The following DYNC1H1 variants were observed in gnomAD, a reference collection of about 807,000 sequenced individuals.
DYNC1H1 encodes the protein cytoplasmic dynein 1 heavy chain 1.
Under a neutral mutation model 527.1 loss-of-function variants are expected in DYNC1H1, and 51 were observed. That is an observed-to-expected ratio of 0.10 (90% CI 0.08 to 0.12). The LOEUF (loss-of-function observed/expected upper bound fraction) is 0.12. DYNC1H1 is among the 10% of genes least tolerant of loss of function. The pLI is 1.00. For missense variants in DYNC1H1, 2,771 were observed against 5,971.8 expected (o/e 0.46, Z 17.66); for synonymous variants, 2,189 against 2,278.8 (o/e 0.96, Z 1.12).
chr14:102,040,299 T>C lies in DYNC1H1; in HGVS notation c.11754T>C (p.Ala3918=). 1.2e-6 allele frequency: 2 copies of C among 1,614,220 alleles called. No homozygotes were observed. Among genetic ancestry groups the C allele is most frequent in the Non-Finnish European group, 1.7e-6 (2 of 1,180,048 alleles). ...GAGGAAATGAGATTGTCCTGAGTGC[T>C]GGCTCCACCCCCAGGATCCAGGGCC... ...FLRGNEIVLS[A]GSTPRIQGLT... is the part of the protein sequence containing the mutation. Residue 3918 remains alanine, a synonymous_variant, in exon 63 of 78, where the codon GCT becomes GCC. Coordinates refer to ENST00000360184, the MANE Select transcript of DYNC1H1 (RefSeq NM_001376.5).
At chr14:102,007,660 A>T (rs927028423) in intron 28 of DYNC1H1, among the ~76,000 whole-genome samples, 1 of 152,168 alleles carries the variant, frequency 6.6e-6, no homozygotes, top group African/African-American at 2.4e-5. Flanking sequence ...GGAGATGTGC[A>T]TTTCAAAAAG....
chr14:102,049,819 C>T lies in DYNC1H1; in HGVS notation c.13621C>T (p.Leu4541=), dbSNP rs1348418910. 6.2e-7 allele frequency: 1 copy of T among 1,613,818 alleles called. No homozygotes were observed. Among genetic ancestry groups the T allele is most frequent in the Non-Finnish European group, 8.5e-7 (1 of 1,180,044 alleles). Residue 4541 remains leucine (L), a synonymous_variant, in exon 76 of 78, where the codon CTG becomes TTG. Coordinates refer to ENST00000360184, the MANE Select transcript of DYNC1H1 (RefSeq NM_001376.5). The surrounding 1 kb of genome is among the most constrained non-coding windows in gnomAD (Gnocchi z 5.5). The part of the protein sequence containing the change: ...ANSWSLEELC[L]EVNVTTSQGA... The stretch of plus-strand genomic sequence containing the variant: ...CAGCTGGTCCCTGGAGGAGCTCTGC[C>T]TGGAAGTCAACGTCACCACCTCACA...
At chr14:102,022,686 G>A in intron 42 of DYNC1H1, 65 bp from the exon 43 acceptor site, 1 of 1,611,558 alleles carries the variant, frequency 6.2e-7, no homozygotes, top group Non-Finnish European at 8.5e-7. Context: ...CACAAACATG[G>A]TGAACATGGT....
At chr14:102,025,526 C>T (rs2048438881) in intron 43 of DYNC1H1, among the ~76,000 whole-genome samples, 1 of 144,988 alleles carries the variant, frequency 6.9e-6, no homozygotes, top group African/African-American at 2.6e-5. Context: ...CAGGCCACTG[C>T]ACTCTAGCCT....
chr14:102,028,156 G>A lies in DYNC1H1; in HGVS notation c.9468+15G>A. 1 of 1,613,546 alleles carries A rather than the reference G, an allele frequency of 6.2e-7. No homozygotes were observed. The highest frequency in any genetic ancestry group is 8.5e-7 in the Non-Finnish European group (1 of 1,179,606). The stretch of plus-strand genomic sequence containing the variant: ...CTCTTCACCAGGTGGGTTCAGTTTT[G>A]AGATCAACAGATAAACCACAAAACT... On this transcript the variant is annotated intron_variant, in intron 48 of 77. Transcript: ENST00000360184.
intron 10 of DYNC1H1, among the ~76,000 whole-genome samples, chr14:101,989,058 G>C (rs370373802): frequency 3.9e-5 from 6 of 152,142 alleles, no homozygotes; most frequent in Admixed American, 1.3e-4. Flanking sequence ...TCACCTCTGC[G>C]CTCTTTCTCC....
rs370613560 is a variant in DYNC1H1 at position 102,011,852 on chromosome 14, T to G, written c.6619-23T>G. The G allele has an allele frequency of 3.8e-5, 62 of 1,613,014 alleles. No individual in the cohort carries two copies. The highest frequency in any genetic ancestry group is 5.2e-5 in the Non-Finnish European group (61 of 1,179,262). Reference sequence around the variant, plus strand: ...CATTCCTCCTCTGGGATGGTCACTGTGCTGGTCTGTTGGGCCCTGCAGGTT... The same window carrying G: ...CATTCCTCCTCTGGGATGGTCACTGGGCTGGTCTGTTGGGCCCTGCAGGTT... On this transcript the variant is annotated intron_variant, in intron 32 of 77. Coordinates refer to ENST00000360184, the MANE Select transcript of DYNC1H1 (RefSeq NM_001376.5). The surrounding 1 kb of genome is among the most constrained non-coding windows in gnomAD (Gnocchi z 5.3).
chr14:102,019,218 G>A (rs554750369), intron 41 of DYNC1H1, among the ~76,000 whole-genome samples: 41 of 152,334 alleles, frequency 2.7e-4, no homozygotes, highest in African/African-American at 8.9e-4. Context: ...GCCTCCACCA[G>A]CAGCACCCGC....
rs771949644 is a variant in DYNC1H1, at chr14:102,017,538, C to T, written c.8177+34C>T. On this transcript the variant is annotated intron_variant, in intron 40 of 77. Coordinates refer to ENST00000360184, the MANE Select transcript of DYNC1H1 (RefSeq NM_001376.5). This position sits in a 1 kb window ranked among gnomAD's most constrained non-coding sequence, Gnocchi z 4.6. ...GCTCGGTAGACTGCTCTGCTTCACA[C>T]ACGCACAGCTCCAGGATTGCTGTAA... is the stretch of plus-strand genomic sequence containing the variant. 2.5e-6 allele frequency: 4 copies of T among 1,609,718 alleles called. No homozygotes were observed. The highest frequency in any genetic ancestry group is 3.4e-6 in the Non-Finnish European group (4 of 1,179,218).
rs1434845724 is a variant in DYNC1H1, at chr14:102,027,762, C to T, written c.9192C>T (p.Val3064=). The change falls in exon 47 of 78, where the codon GTC becomes GTT. Residue 3064 remains valine (V), a synonymous_variant. Coordinates refer to ENST00000360184, the MANE Select transcript of DYNC1H1 (RefSeq NM_001376.5). This position sits in a 1 kb window ranked among gnomAD's most constrained non-coding sequence, Gnocchi z 7.7. ...FTSQVIRNLH[V]VFTMNPSSEG... ...GCCAGGTTATCCGCAACCTCCACGT[C>T]GTGTTCACCATGAACCCGTCCTCGG... 12 of 1,614,058 alleles carry T rather than the reference C, an allele frequency of 7.4e-6. No homozygotes were observed. Among genetic ancestry groups the T allele is most frequent in the African/African-American group, 2.7e-5 (2 of 74,928 alleles).
At position 102,018,724 on chromosome 14, in the gene DYNC1H1, G is replaced by T; in HGVS notation, c.8343+108G>T. 1 of 1,441,696 alleles carries T rather than the reference G, an allele frequency of 6.9e-7. No homozygotes were observed. Among genetic ancestry groups the T allele is most frequent in the Non-Finnish European group, 9.4e-7 (1 of 1,058,486 alleles). The allele number at this position is 1,441,696 out of a possible 1,614,324, so 89.3% of individuals were successfully genotyped here. A position where few individuals can be genotyped will look rare whatever the true frequency, so the allele number is the denominator to read the frequency against. On this transcript the variant is annotated intron_variant, in intron 41 of 77. Coordinates refer to ENST00000360184, the MANE Select transcript of DYNC1H1 (RefSeq NM_001376.5). This position sits in a 1 kb window ranked among gnomAD's most constrained non-coding sequence, Gnocchi z 5.2. ...ACCTGTAATCCCAGCATTTTGGGAGGCCAAGGTGGGTGGATCCTTTGAGCC... is the reference window on the plus strand; with the variant it reads ...ACCTGTAATCCCAGCATTTTGGGAGTCCAAGGTGGGTGGATCCTTTGAGCC...
At chr14:101,982,920 T>C in intron 5 of DYNC1H1, 99 bp from the exon 6 acceptor site, 1 of 1,399,972 alleles carries the variant, frequency 7.1e-7, no homozygotes, top group Non-Finnish European at 1.0e-6. Context: ...TCGCTAGATA[T>C]TTTGCAACAT....
At chr14:102,040,102 C>T (rs2048628041) in intron 62 of DYNC1H1, 134 bp from the exon 63 acceptor site, 1 of 1,265,866 alleles carries the variant, frequency 7.9e-7, no homozygotes, top group Non-Finnish European at 1.1e-6. Flanking sequence ...ACCTCGGCCT[C>T]CCAGAGTGCT....
At chr14:102,006,553 G>A in intron 27 of DYNC1H1, among the ~76,000 whole-genome samples, 1 of 151,842 alleles carries the variant, frequency 6.6e-6, no homozygotes, top group Admixed American at 6.6e-5. Context: ...TCTTAATTAT[G>A]TGGTGTGTAC....
chr14:102,025,397 T>A (rs1201452451), intron 43 of DYNC1H1, among the ~76,000 whole-genome samples: 1 of 140,022 alleles, frequency 7.1e-6, no homozygotes, highest in Non-Finnish European at 1.5e-5. Context: ...AGAGGGAGAC[T>A]CTGTCTCAAA....
At position 101,964,594 on chromosome 14, in the gene DYNC1H1, C is replaced by T. The variant is rs1002259356; in HGVS notation, c.-98C>T. ...CCTCAGTCTGCGGTGGGCTAGCGGA[C>T]GGTCCGGCTTCCGGCGGCCGTTTCT... is the stretch of plus-strand genomic sequence containing the variant. On this transcript the variant is annotated 5_prime_UTR_variant, in exon 1 of 78. It adds an upstream start codon to the 5' untranslated region. Transcript: ENST00000360184. The surrounding 1 kb of genome is among the most constrained non-coding windows in gnomAD (Gnocchi z 5.5). 14 of 1,525,590 alleles carry T rather than the reference C, an allele frequency of 9.2e-6. No homozygotes were observed. The highest frequency in any genetic ancestry group is 5.9e-5 in the Admixed American group (3 of 50,708). The allele number at this position is 1,525,590 out of a possible 1,614,324, so 94.5% of individuals were successfully genotyped here. A position where few individuals can be genotyped will look rare whatever the true frequency, so the allele number is the denominator to read the frequency against.
rs945914260 is a variant in DYNC1H1 at position 101,995,189 on chromosome 14, A to G, written c.3453A>G (p.Gln1151=). The G allele has an allele frequency of 6.2e-7, 1 of 1,614,218 alleles. No individual in the cohort carries two copies. The highest frequency in any genetic ancestry group is 8.5e-7 in the Non-Finnish European group (1 of 1,180,044). Residue 1151 remains glutamine (Q), a synonymous_variant, in exon 15 of 78, where the codon CAA becomes CAG. Coordinates refer to ENST00000360184, the MANE Select transcript of DYNC1H1 (RefSeq NM_001376.5). ...CCCCTCTCTCTGAACAGTCCCGCCAAGAGTTGGAGCAGCACTCAGTAGACA... is the reference window on the plus strand; with the variant it reads ...CCCCTCTCTCTGAACAGTCCCGCCAGGAGTTGGAGCAGCACTCAGTAGACA... ...EFHSQISKSR[Q]ELEQHSVDTA... is the part of the protein sequence containing the mutation.
Position 101,986,037 on chromosome 14 carries a change from C to T in DYNC1H1, c.1812C>T (p.Tyr604=), listed in dbSNP as rs1446403108. ...ACATCCGTGGGGCCATTCGCGAATA[C>T]CAGACCCAGCTGATCCAGCGCGTGA... The part of the protein sequence containing the change: ...RPHIRGAIRE[Y]QTQLIQRVKD... The change falls in exon 8 of 78, where the codon TAC becomes TAT. Residue 604 remains tyrosine (Y), a synonymous_variant. Coordinates refer to ENST00000360184, the MANE Select transcript of DYNC1H1 (RefSeq NM_001376.5). This position sits in a 1 kb window ranked among gnomAD's most constrained non-coding sequence, Gnocchi z 8.7. 1 of 1,614,224 alleles carries T rather than the reference C, an allele frequency of 6.2e-7. No individual in the cohort carries two copies.
intron 5 of DYNC1H1, 115 bp from the exon 6 acceptor site, chr14:101,982,904 T>G: frequency 1.6e-6 from 2 of 1,262,766 alleles, no homozygotes; most frequent in South Asian, 1.3e-5. Flanking sequence ...ATGAATAGTT[T>G]TTGTCTCGCT....
Sources: allele counts gnomAD v4.1 joint callset (sites outside exome capture counted in the v4.1 genomes callset), GRCh38; gene constraint gnomAD v4.1.1; non-coding constraint Gnocchi (gnomAD v3.1); transcripts MANE v1.5; gene names NCBI Gene and HGNC (gene_info 2026-07-23, HGNC 2026-07-21).